The following TTLL9 variants were observed in gnomAD, a reference collection of about 807,000 sequenced individuals.
TTLL9 encodes tubulin tyrosine ligase like 9, also known as probable tubulin polyglutamylase TTLL9.
In TTLL9, 47 loss-of-function variants were observed where a neutral mutation model predicts 65.6. The observed-to-expected ratio is 0.72, with a 90% CI of 0.57 to 0.91. The LOEUF (loss-of-function observed/expected upper bound fraction) is 0.91, where lower values mean the gene tolerates loss of function less well. Among genes scored for constraint, TTLL9 ranks in the 40% least tolerant of loss-of-function variants. The pLI is 0.00. For synonymous variants in TTLL9, 179 were observed against 204.8 expected (o/e 0.87, Z 1.07); for missense variants, 537 against 568.8 (o/e 0.94, Z 0.57).
chr20:31,930,299 G>A (rs1470990399), intron 10 of TTLL9, among the ~76,000 whole-genome samples: 1 of 152,106 alleles, frequency 6.6e-6, no homozygotes, highest in African/African-American at 2.4e-5. Context: ...CAAATATTCT[G>A]TGAGTTTTGA....
At chr20:31,925,839 C>G (rs2063893470) in intron 9 of TTLL9, 2 of 1,534,780 alleles carry the variant, frequency 1.3e-6, no homozygotes, top group Non-Finnish European at 1.8e-6. Context: ...TATTCCCTTT[C>G]CCTTCTCTCT....
Position 31,920,413 on chromosome 20 carries a change from A to G in TTLL9, c.573+481A>G, listed in dbSNP as rs117232482. ...GGCAGCTACCTCCCAACCCCAATCC[A>G]TTCTTGTCCCAAGACACAGTACAGT... On this transcript the variant is annotated intron_variant, in intron 7 of 14. Transcript: ENST00000535842. Among the ~76,000 whole-genome samples the G allele has an allele frequency of 2.4e-4, 36 of 152,068 alleles. No individual in the cohort carries two copies. In the East Asian group the frequency reaches 6.8e-3, roughly 29 times the overall value.
intron 6 of TTLL9, among the ~76,000 whole-genome samples, chr20:31,910,940 A>C (rs6087797): frequency 6.6e-6 from 1 of 151,848 alleles, no homozygotes; most frequent in Non-Finnish European, 1.5e-5. Flanking sequence ...TTGAGAGTCC[A>C]AGGCAGGTGG....
At chr20:31,922,781 A>C (rs2063832277) in intron 7 of TTLL9, among the ~76,000 whole-genome samples, 182 bp from the exon 8 acceptor site, 1 of 152,194 alleles carries the variant, frequency 6.6e-6, no homozygotes, top group Non-Finnish European at 1.5e-5. Flanking sequence ...GACCTTGGAC[A>C]AGTTACTCTC....
At chr20:31,910,624 T>C (rs1415149657) in intron 6 of TTLL9, among the ~76,000 whole-genome samples, 1 of 152,244 alleles carries the variant, frequency 6.6e-6, no homozygotes, top group Non-Finnish European at 1.5e-5. Context: ...GCTCCAGTTT[T>C]CCCATCTGCA....
intron 4 of TTLL9, among the ~76,000 whole-genome samples, chr20:31,903,664 C>A (rs114212151): frequency 0.012 from 1,882 of 152,266 alleles, 28 homozygotes; most frequent in African/African-American, 0.042. Flanking sequence ...AGGTGTCCAA[C>A]TTTAATATTT....
intron 10 of TTLL9, among the ~76,000 whole-genome samples, chr20:31,928,496 TTA>T (rs1249230369): frequency 6.6e-6 from 1 of 150,852 alleles, no homozygotes; most frequent in African/African-American, 2.4e-5. Context: ...CCTGACTTCA[TTA>T]TATATAATAT....
intron 14 of TTLL9, among the ~76,000 whole-genome samples, chr20:31,942,089 C>T (rs528191897): frequency 6.1e-4 from 93 of 152,292 alleles, no homozygotes; most frequent in African/African-American, 2.1e-3. Context: ...CGTAGGCTCT[C>T]AGCTCAGTGA....
chr20:31,871,099 C>A lies in TTLL9; in HGVS notation c.-5-23C>A, dbSNP rs201975000. On this transcript the variant is annotated intron_variant, in intron 1 of 14. Coordinates refer to ENST00000535842, the MANE Select transcript of TTLL9 (RefSeq NM_001008409.5). ...CATTCATCCATCCTCTCACTCCTTC[C>A]TTCCATCCATTTCGGCCCCTAGGAG... 10 of 1,611,316 alleles carry A rather than the reference C, an allele frequency of 6.2e-6. No homozygotes were observed. The Admixed American group carries it at 1.2e-4, about 19-fold the overall frequency.
chr20:31,888,873 T>C (rs1250664061), intron 3 of TTLL9, among the ~76,000 whole-genome samples: 3 of 152,054 alleles, frequency 2.0e-5, no homozygotes, highest in Non-Finnish European at 4.4e-5. Context: ...AACTCACTTA[T>C]CACCAAGGGG....
chr20:31,873,555 G>A (rs973693148), intron 2 of TTLL9, among the ~76,000 whole-genome samples: 1 of 151,712 alleles, frequency 6.6e-6, no homozygotes, highest in Non-Finnish European at 1.5e-5. Context: ...GCTACTTGGA[G>A]GCCAAGGTGG....
rs778534816 is a variant in TTLL9, at chr20:31,933,771, G to A, written c.749-29G>A. The A allele has an allele frequency of 3.0e-5, 48 of 1,610,182 alleles. No homozygotes were observed. The East Asian group carries it at 3.1e-4, about 10-fold the overall frequency. ...GGCAGAGCTCACCCTTTTTGTTCACGCTGACCCTTGACCACCACCCTCTCC... is the reference window on the plus strand; with the variant it reads ...GGCAGAGCTCACCCTTTTTGTTCACACTGACCCTTGACCACCACCCTCTCC... On this transcript the variant is annotated intron_variant, in intron 10 of 14. Transcript: ENST00000535842.
rs1005905220 is a variant in TTLL9, at chr20:31,923,138, G to A, written c.664+85G>A. 12 of 1,072,664 alleles carry A rather than the reference G, an allele frequency of 1.1e-5. No individual in the cohort carries two copies. The African/African-American group carries it at 1.3e-4, about 11-fold the overall frequency. The allele number at this position is 1,072,664 out of a possible 1,614,324, so 66.4% of individuals were successfully genotyped here. On this transcript the variant is annotated intron_variant, in intron 8 of 14. Coordinates refer to ENST00000535842, the MANE Select transcript of TTLL9 (RefSeq NM_001008409.5). ...CAAGCTTTGACCAGCAGCCTGCCAAGGGCCCAGCCTGACACCAGGCATGAA... is the reference window on the plus strand; with the variant it reads ...CAAGCTTTGACCAGCAGCCTGCCAAAGGCCCAGCCTGACACCAGGCATGAA...
intron 3 of TTLL9, among the ~76,000 whole-genome samples, chr20:31,893,371 A>G (rs920346298): frequency 7.2e-6 from 1 of 139,602 alleles, no homozygotes; most frequent in African/African-American, 2.7e-5. Flanking sequence ...GCTCACTGCA[A>G]CCTCCACCTC....
chr20:31,917,560 T>C (rs2063753815), intron 6 of TTLL9, among the ~76,000 whole-genome samples: 1 of 152,206 alleles, frequency 6.6e-6, no homozygotes, highest in Non-Finnish European at 1.5e-5. Context: ...TGCTGGGACA[T>C]AGGATAGAGG....
At chr20:31,929,162 C>T (rs1251499254) in intron 10 of TTLL9, among the ~76,000 whole-genome samples, 4 of 152,184 alleles carry the variant, frequency 2.6e-5, no homozygotes, top group Non-Finnish European at 5.9e-5. Context: ...TTCCAAGGTG[C>T]TGGGATTACA....
rs946438689 is a variant in TTLL9, at chr20:31,933,659, T to C, written c.749-141T>C. On this transcript the variant is annotated intron_variant, in intron 10 of 14. Transcript: ENST00000535842. ...CAGGCAGGATTTGAATCCAGGCCCA[T>C]CTGACTCCAAAGCTCACACACACGA... The C allele has an allele frequency of 1.7e-5, 12 of 715,978 alleles. No homozygotes were observed. In the Admixed American group the frequency reaches 3.0e-4, roughly 18 times the overall value. The allele number at this position is 715,978 out of a possible 1,614,324, so 44.4% of individuals were successfully genotyped here.
chr20:31,900,686 G>A (rs568804692), intron 4 of TTLL9, among the ~76,000 whole-genome samples: 4 of 152,236 alleles, frequency 2.6e-5, no homozygotes, highest in South Asian at 2.1e-4. Context: ...GCTAATATCC[G>A]CACAGGGTTT....
At position 31,927,844 on chromosome 20, in the gene TTLL9, C is replaced by T. The variant is rs561460158; in HGVS notation, c.748+1753C>T. 1.2e-4 allele frequency among the ~76,000 whole-genome samples: 18 copies of T among 152,330 alleles called. No homozygotes were observed. In the South Asian group the frequency reaches 1.5e-3, roughly 12 times the overall value. On this transcript the variant is annotated intron_variant, in intron 10 of 14. Coordinates refer to ENST00000535842, the MANE Select transcript of TTLL9 (RefSeq NM_001008409.5). ...CATTTGCATCTCTCTGCATTAATTTCCCCATTCAGTTGAGTGCGTGTCCAA... is the reference window on the plus strand; with the variant it reads ...CATTTGCATCTCTCTGCATTAATTTTCCCATTCAGTTGAGTGCGTGTCCAA...
Sources: gnomAD v4.1 joint callset for allele counts (sites outside exome capture counted in the v4.1 genomes callset) on GRCh38, gnomAD v4.1.1 for gene constraint, MANE v1.5 for transcripts, NCBI Gene and HGNC (gene_info 2026-07-23, HGNC 2026-07-21) for gene names.